The following TMEM232 variants were observed in gnomAD, a reference collection of about 807,000 sequenced individuals.
TMEM232 encodes the protein transmembrane protein 232.
A neutral mutation model predicts 78.8 loss-of-function variants in TMEM232; 80 were observed. The ratio of observed to expected loss-of-function variants is 1.01; its 90% CI spans 0.85 to 1.22. The LOEUF (loss-of-function observed/expected upper bound fraction) is 1.22. Among genes scored for constraint, TMEM232 ranks in the 50% most tolerant of loss-of-function variants. TMEM232 has a pLI of 0.00. For synonymous variants in TMEM232, 297 were observed against 254.3 expected (o/e 1.17, Z -1.60); for missense variants, 881 against 742.2 (o/e 1.19, Z -2.17).
intron 12 of TMEM232, among the ~76,000 whole-genome samples, chr5:110,475,136 A>C (rs1037736715): frequency 2.0e-5 from 3 of 152,012 alleles, no homozygotes; most frequent in African/African-American, 7.2e-5. Flanking sequence ...TAGTGTAAGG[A>C]AGTAGACCAA....
intron 8 of TMEM232, among the ~76,000 whole-genome samples, 158 bp downstream of exon 8, chr5:110,618,271 T>C (rs1783193712): frequency 6.6e-6 from 1 of 152,184 alleles, no homozygotes; most frequent in South Asian, 2.1e-4. Flanking sequence ...AATGAATTAA[T>C]ACTAAACATG....
At chr5:110,679,787 C>T (rs1030830479) in intron 1 of TMEM232, among the ~76,000 whole-genome samples, 4 of 151,878 alleles carry the variant, frequency 2.6e-5, no homozygotes, top group Admixed American at 6.6e-5. Flanking sequence ...TTTTCCTTTC[C>T]ACTGTGTTAT....
At chr5:110,399,732 C>G (rs1755524311) in intron 2 of TMEM232, among the ~76,000 whole-genome samples, 4 of 152,104 alleles carry the variant, frequency 2.6e-5, no homozygotes, top group Admixed American at 2.6e-4. Flanking sequence ...TTCGAAATGA[C>G]TTCACATCAA....
intron 7 of TMEM232, among the ~76,000 whole-genome samples, chr5:110,622,995 TA>T (rs1190737461): frequency 9.0e-6 from 1 of 111,712 alleles, no homozygotes; most frequent in Non-Finnish European, 1.7e-5. Context: ...AGTATAATAA[TA>T]AATAAATAAA....
At chr5:110,730,093 T>C (rs1798534302), upstream of TMEM232, among the ~76,000 whole-genome samples, 1 of 152,212 alleles carries the variant, frequency 6.6e-6, no homozygotes, top group South Asian at 2.1e-4. Flanking sequence ...TATTAGTAAG[T>C]TACACAATTT....
At chr5:110,422,635 C>G (rs1215098837) in intron 13 of TMEM232, among the ~76,000 whole-genome samples, 2 of 150,934 alleles carry the variant, frequency 1.3e-5, no homozygotes, top group African/African-American at 4.9e-5. Flanking sequence ...ATAAAAGCAT[C>G]AGTACATATA....
At chr5:110,610,395 G>T (rs920272510) in intron 8 of TMEM232, 3 of 202,088 alleles carry the variant, frequency 1.5e-5, no homozygotes, top group African/African-American at 7.1e-5. Flanking sequence ...AAATACATGG[G>T]TTTTCCCACC....
At chr5:110,586,527 T>C (rs1037248837) in intron 10 of TMEM232, among the ~76,000 whole-genome samples, 5 of 151,966 alleles carry the variant, frequency 3.3e-5, no homozygotes, top group Non-Finnish European at 7.4e-5. Flanking sequence ...GCTACATTTA[T>C]GAAATATCAG....
chr5:110,605,596 A>G (rs932822757), intron 9 of TMEM232, among the ~76,000 whole-genome samples: 15 of 152,176 alleles, frequency 9.9e-5, no homozygotes, highest in Non-Finnish European at 2.9e-5. Context: ...AGTCAATGGA[A>G]TGTAAATTAA....
chr5:110,467,281 C>T (rs1762186200), intron 12 of TMEM232, among the ~76,000 whole-genome samples: 1 of 152,138 alleles, frequency 6.6e-6, no homozygotes, highest in Non-Finnish European at 1.5e-5. Context: ...TTTAATTTGT[C>T]AGTTCTGCCT....
intron 8 of TMEM232, among the ~76,000 whole-genome samples, chr5:110,613,980 A>C (rs138602106): frequency 5.9e-5 from 9 of 152,230 alleles, no homozygotes; most frequent in African/African-American, 2.2e-4. Flanking sequence ...TAATGTCAAT[A>C]GTTTTTGTTT....
intron 1 of TMEM232, among the ~76,000 whole-genome samples, chr5:110,684,537 G>A (rs1437090816): frequency 6.6e-6 from 1 of 152,028 alleles, no homozygotes; most frequent in Non-Finnish European, 1.5e-5. Flanking sequence ...GAAATGAAAA[G>A]CTATTTTAAA....
chr5:110,545,557 A>G (rs1438897666), intron 11 of TMEM232, among the ~76,000 whole-genome samples: 1 of 152,062 alleles, frequency 6.6e-6, no homozygotes, highest in Non-Finnish European at 1.5e-5. Flanking sequence ...ATTGCTATTT[A>G]TGTCAAAAGT....
intron 11 of TMEM232, among the ~76,000 whole-genome samples, chr5:110,564,642 C>G (rs889869522): frequency 6.6e-6 from 1 of 151,872 alleles, no homozygotes; most frequent in African/African-American, 2.4e-5. Flanking sequence ...TGAACCCATG[C>G]TAACCTAGGC....
intron 3 of TMEM232, among the ~76,000 whole-genome samples, chr5:110,395,212 T>A (rs1162176068): frequency 6.6e-6 from 1 of 152,044 alleles, no homozygotes; most frequent in Non-Finnish European, 1.5e-5. Context: ...TTAAGGCCTT[T>A]GTTTTATAGA....
At chr5:110,454,689 G>A (rs1044877288) in intron 12 of TMEM232, among the ~76,000 whole-genome samples, 1 of 151,908 alleles carries the variant, frequency 6.6e-6, no homozygotes, top group Non-Finnish European at 1.5e-5. Flanking sequence ...GCAATACTTA[G>A]AGGAAAATGT....
chr5:110,627,672 T>C (rs1784595431), intron 6 of TMEM232, 109 bp downstream of exon 6: 2 of 792,894 alleles, frequency 2.5e-6, no homozygotes, highest in East Asian at 6.1e-5. Flanking sequence ...CTGCACCTAT[T>C]ATCTTTTATG....
intron 13 of TMEM232, among the ~76,000 whole-genome samples, chr5:110,424,149 A>AGT (rs954602000): frequency 1.3e-5 from 2 of 152,262 alleles, no homozygotes; most frequent in South Asian, 2.1e-4. Context: ...ACTTAAAAGT[A>AGT]GTGTGAAAAA....
chr5:110,712,321 A>T (rs1317443458), intron 1 of TMEM232, among the ~76,000 whole-genome samples: 1 of 152,094 alleles, frequency 6.6e-6, no homozygotes, highest in Non-Finnish European at 1.5e-5. Flanking sequence ...AAAGACTAAG[A>T]GAAAATAGTT....
Sources: allele counts gnomAD v4.1 joint callset (sites outside exome capture counted in the v4.1 genomes callset), GRCh38; gene constraint gnomAD v4.1.1; transcripts MANE v1.5; gene names NCBI Gene and HGNC (gene_info 2026-07-23, HGNC 2026-07-21).